Variants in LONRF3 observed in about 807,000 individuals in gnomAD.
LONRF3 encodes the protein LON peptidase N-terminal domain and RING finger protein 3.
A neutral mutation model predicts 51.7 loss-of-function variants in LONRF3; 19 were observed. The ratio of observed to expected loss-of-function variants is 0.37; its 90% CI spans 0.26 to 0.54. The LOEUF (loss-of-function observed/expected upper bound fraction) is 0.54, where lower values mean the gene tolerates loss of function less well. Ranked by LOEUF, LONRF3 falls within the 20% of genes least tolerant of loss-of-function variation. The probability of loss-of-function intolerance (pLI) is 0.86; values close to 1 mark genes in which losing one functional copy is unlikely to be tolerated. For missense variants in LONRF3, 521 were observed against 623.9 expected, an observed-to-expected ratio of 0.84 and a Z score of 1.76; for synonymous variants, 265 against 257.8, an observed-to-expected ratio of 1.03 and a Z score of -0.27.
At chrX:118,985,913 A>G (rs1416662499) in intron 3 of LONRF3, among the ~76,000 whole-genome samples, 4 of 111,492 alleles carry the variant, frequency 3.6e-5, no homozygotes. Flanking sequence ...TACCCTAACT[A>G]TGTACCCTCA....
rs1276969353 is a variant in LONRF3, at chrX:118,975,266, T to A, written c.486T>A (p.His162Gln). ...VWDGFKCRKCHGFLSDPVSLS... is the reference protein window; with the variant it reads ...VWDGFKCRKCQGFLSDPVSLS... The stretch of plus-strand genomic sequence containing the variant: ...ACGGCTTTAAGTGCCGGAAATGTCA[T>A]GGGTTTCTATCAGACCCCGTGTCCT... The change falls in exon 1 of 11, where the codon CAT becomes CAA. Residue 162 changes from histidine (H) to glutamine (Q), a missense_variant. Transcript: ENST00000371628. 8.3e-7 allele frequency: 1 copy of A among 1,208,346 alleles called. No homozygotes were observed. The highest frequency in any genetic ancestry group is 1.1e-6 in the Non-Finnish European group (1 of 894,594).
Position 119,017,919 on chromosome X carries a change from C to T in LONRF3, c.*229C>T. ...TTGACATGCTGCATAACTACATAAA[C>T]AGCAGAGGTGTTTAAGAGCCCAGAA... On this transcript the variant is annotated 3_prime_UTR_variant, in exon 11 of 11. Transcript: ENST00000371628. 1 of 283,160 alleles carries T rather than the reference C, an allele frequency of 3.5e-6. No individual in the cohort carries two copies. Among genetic ancestry groups the T allele is most frequent in the African/African-American group, 2.7e-5 (1 of 36,775 alleles). The allele number at this position is 283,160 out of a possible 1,213,427, so 23.3% of individuals were successfully genotyped here.
intron 4 of LONRF3, 96 bp downstream of exon 4, chrX:118,989,768 C>T: frequency 1.0e-6 from 1 of 966,915 alleles, no homozygotes; most frequent in Non-Finnish European, 1.4e-6. Context: ...GCTCCTTAGG[C>T]TCTGGGTGTG....
At chrX:118,980,071 A>G (rs1603246405) in intron 2 of LONRF3, among the ~76,000 whole-genome samples, 1 of 112,315 alleles carries the variant, frequency 8.9e-6, no homozygotes, top group South Asian at 3.7e-4. Context: ...CAATGATGCA[A>G]TGAGGGTCAA....
chrX:118,978,998 CTTTTTTTT>C (rs36016675), intron 2 of LONRF3, among the ~76,000 whole-genome samples: 3 of 56,119 alleles, frequency 5.3e-5, no homozygotes, highest in Admixed American at 2.3e-4. Flanking sequence ...TGTTTTCTTT[CTTTTTTTT>C]TTTTTTTTTT....
At chrX:119,014,517 A>G (rs982778571) in intron 10 of LONRF3, among the ~76,000 whole-genome samples, 161 bp downstream of exon 10, 2 of 111,760 alleles carry the variant, frequency 1.8e-5, no homozygotes, top group Admixed American at 9.5e-5. Flanking sequence ...CGTCATGAGT[A>G]AGACCAAAAA....
intron 5 of LONRF3, among the ~76,000 whole-genome samples, chrX:119,001,237 G>A (rs980909693): frequency 1.5e-4 from 17 of 111,419 alleles, no homozygotes; most frequent in Non-Finnish European, 2.8e-4. Flanking sequence ...AGGGAGGGAG[G>A]AAAATGTGCA....
chrX:119,009,207 C>A lies in LONRF3; in HGVS notation c.1612C>A (p.Arg538=). ...AKFLPEELKE[R]RKLYEEEMEE... is the part of the protein sequence containing the mutation. ...ATTCCTTCCAGAAGAACTGAAGGAA[C>A]GAAGGAAGCTTTATGAAGAGGAAAT... The change falls in exon 7 of 11, where the codon CGA becomes AGA. Residue 538 remains arginine, a synonymous_variant. Coordinates refer to ENST00000371628, the MANE Select transcript of LONRF3 (RefSeq NM_001031855.3). The A allele has an allele frequency of 2.5e-6, 3 of 1,208,427 alleles. No individual in the cohort carries two copies. Among genetic ancestry groups the A allele is most frequent in the South Asian group, 3.5e-5 (2 of 56,399 alleles).
intron 1 of LONRF3, among the ~76,000 whole-genome samples, chrX:118,977,537 C>A (rs955262977): frequency 1.8e-5 from 2 of 112,539 alleles, no homozygotes; most frequent in African/African-American, 6.5e-5. Context: ...GAAAAAGGAA[C>A]CTGCTCCCCA....
At chrX:118,986,176 G>A (rs1225099503) in intron 3 of LONRF3, among the ~76,000 whole-genome samples, 1 of 110,773 alleles carries the variant, frequency 9.0e-6, no homozygotes, top group African/African-American at 3.3e-5. Context: ...TAGAACGCAC[G>A]TCTACCCTCC....
chrX:118,990,646 T>A (rs1425237825), intron 5 of LONRF3, 86 bp downstream of exon 5: 103 of 725,167 alleles, frequency 1.4e-4, no homozygotes, highest in Non-Finnish European at 2.1e-4. Context: ...ACTGCTGGGT[T>A]GGTTAGCATG....
intron 3 of LONRF3, among the ~76,000 whole-genome samples, chrX:118,989,036 C>T (rs759325989): frequency 9.1e-6 from 1 of 110,467 alleles, no homozygotes; most frequent in Non-Finnish European, 1.9e-5. Context: ...GATCTGCCGT[C>T]ACTGCCTGCC....
At chrX:118,978,755 C>G (rs1266192298) in intron 2 of LONRF3, among the ~76,000 whole-genome samples, 2 of 111,297 alleles carry the variant, frequency 1.8e-5, no homozygotes, top group African/African-American at 6.5e-5. Flanking sequence ...CCCAACTCTG[C>G]TAACTTTTAT....
chrX:118,982,427 C>T (rs1159196980), intron 2 of LONRF3, among the ~76,000 whole-genome samples: 5 of 111,552 alleles, frequency 4.5e-5, no homozygotes, highest in South Asian at 3.8e-4. Context: ...TTCAAACGAA[C>T]GCATACCTGG....
At chrX:119,012,163 C>T (rs758361427) in intron 8 of LONRF3, among the ~76,000 whole-genome samples, 190 bp downstream of exon 8, 1 of 109,901 alleles carries the variant, frequency 9.1e-6, no homozygotes, top group Non-Finnish European at 1.9e-5. Flanking sequence ...ATTTAAAGAA[C>T]CCTAGAATTA....
intron 5 of LONRF3, 43 bp from the exon 6 acceptor site, chrX:119,006,078 G>T: frequency 5.1e-6 from 4 of 781,357 alleles, no homozygotes; most frequent in South Asian, 2.7e-5. Flanking sequence ...TTTTATTTTT[G>T]GTCTTATTGC....
chrX:119,010,282 T>G (rs1048768755), intron 7 of LONRF3, among the ~76,000 whole-genome samples: 2 of 111,399 alleles, frequency 1.8e-5, no homozygotes, highest in Admixed American at 1.9e-4. Flanking sequence ...AGGCAATCAC[T>G]AATTTCTGCC....
chrX:119,008,226 C>T (rs1438979904), intron 6 of LONRF3, among the ~76,000 whole-genome samples: 1 of 112,316 alleles, frequency 8.9e-6, no homozygotes, highest in Non-Finnish European at 1.9e-5. Context: ...ATATTCCAAT[C>T]ATTTTCACTG....
intron 1 of LONRF3, 53 bp downstream of exon 1, chrX:118,975,650 G>A (rs1347331995): frequency 2.0e-6 from 2 of 1,003,718 alleles, no homozygotes; most frequent in Non-Finnish European, 2.6e-6. Flanking sequence ...CTACATGAGG[G>A]AGCGGGAGAA....
Sources: allele counts gnomAD v4.1 joint callset (sites outside exome capture counted in the v4.1 genomes callset), GRCh38; gene constraint gnomAD v4.1.1; transcripts MANE v1.5; gene names NCBI Gene and HGNC (gene_info 2026-07-23, HGNC 2026-07-21).